Variants in KIAA1614 observed in about 807,000 individuals in gnomAD.
KIAA1614 encodes KIAA1614.
KIAA1614 carries 76 observed loss-of-function variants against 88.7 expected under a neutral mutation model. The observed-to-expected ratio is 0.86, with a 90% CI of 0.71 to 1.04. The LOEUF is 1.04. Among genes scored for constraint, KIAA1614 ranks in the 50% least tolerant of loss-of-function variants. KIAA1614 has a pLI of 0.00. For missense variants in KIAA1614, 1,553 were observed against 1,582.5 expected (o/e 0.98, Z 0.32); for synonymous variants, 714 against 675.5 (o/e 1.06, Z -0.88).
intron 4 of KIAA1614, among the ~76,000 whole-genome samples, chr1:180,934,472 C>T (rs1654271639): frequency 6.6e-6 from 1 of 151,616 alleles, no homozygotes; most frequent in South Asian, 2.1e-4. Context: ...CACCTGTGGT[C>T]CCAGCTACTT....
intron 6 of KIAA1614, 125 bp from the exon 7 acceptor site, chr1:180,940,920 C>T: frequency 1.2e-6 from 1 of 825,492 alleles, no homozygotes; most frequent in Non-Finnish European, 1.9e-6. Context: ...TAGTTCCTGG[C>T]CCCAAATGTG....
chr1:180,927,526 C>A (rs1654095631), intron 3 of KIAA1614, among the ~76,000 whole-genome samples: 1 of 152,254 alleles, frequency 6.6e-6, no homozygotes, highest in South Asian at 2.1e-4. Flanking sequence ...GTGGAGAGAA[C>A]ACCTGCCCTC....
At position 180,947,284 on chromosome 1, in the gene KIAA1614, C is replaced by T. The variant is rs1654617441; in HGVS notation, c.*1696C>T. The T allele has an allele frequency of 6.6e-6, 1 of 152,364 alleles. No individual in the cohort carries two copies. The highest frequency in any genetic ancestry group is 2.4e-5 in the African/African-American group (1 of 41,466). 9.4% of individuals were successfully genotyped at this position (152,364 alleles called of 1,614,324 possible). On this transcript the variant is annotated 3_prime_UTR_variant, in exon 9 of 9. Transcript: ENST00000367588. ...TGCCACTGTAAGGGGCTTTGGCTTT[C>T]ATGCCGAATGAGATGGGAGCCACTA...
chr1:180,934,266 A>AG (rs1258919903), intron 4 of KIAA1614, among the ~76,000 whole-genome samples: 9 of 115,866 alleles, frequency 7.8e-5, no homozygotes, highest in Non-Finnish European at 1.7e-4. Context: ...AAAAAAAAAA[A>AG]AAAAGAAAAG....
At chr1:180,943,322 C>T (rs538472517) in intron 7 of KIAA1614, among the ~76,000 whole-genome samples, 7 of 152,048 alleles carry the variant, frequency 4.6e-5, no homozygotes, top group East Asian at 1.9e-4. Context: ...CCACTGTGCC[C>T]GGCTGTATAT....
Sources: gnomAD v4.1 joint callset for allele counts (sites outside exome capture counted in the v4.1 genomes callset) on GRCh38, gnomAD v4.1.1 for gene constraint, MANE v1.5 for transcripts, NCBI Gene and HGNC (gene_info 2026-07-23, HGNC 2026-07-21) for gene names.